The following WDR25 variants were observed in gnomAD, a reference collection of about 807,000 sequenced individuals.
WDR25 encodes the protein WD repeat-containing protein 25.
In WDR25, 35 loss-of-function variants were observed where a neutral mutation model predicts 47.7. That is an observed-to-expected ratio of 0.73 (90% confidence interval 0.56 to 0.97). The LOEUF is 0.97. Among genes scored for constraint, WDR25 ranks in the 50% least tolerant of loss-of-function variants. The probability of loss-of-function intolerance (pLI) is 0.00; values close to 1 mark genes in which losing one functional copy is unlikely to be tolerated. For missense variants in WDR25, 634 were observed against 704.7 expected (o/e 0.90, Z 1.14); for synonymous variants, 248 against 278.9 (o/e 0.89, Z 1.10).
chr14:100,490,889 A>C (rs1477208999), intron 4 of WDR25, among the ~76,000 whole-genome samples: 1 of 152,246 alleles, frequency 6.6e-6, no homozygotes, highest in African/African-American at 2.4e-5. Flanking sequence ...TATATTAAAA[A>C]GGCTTTTTAT....
intron 2 of WDR25, among the ~76,000 whole-genome samples, chr14:100,466,283 C>T (rs556530414): frequency 2.0e-5 from 3 of 152,254 alleles, no homozygotes; most frequent in Middle Eastern, 3.4e-3. Context: ...CTACTCTTGA[C>T]CTTTTGTTTT....
chr14:100,460,951 C>A (rs909245308), intron 2 of WDR25, among the ~76,000 whole-genome samples: 1 of 152,292 alleles, frequency 6.6e-6, no homozygotes, highest in Admixed American at 6.5e-5. Flanking sequence ...CACAGTGGCT[C>A]ATGCTGTAAT....
chr14:100,474,176 G>A (rs1386602399), intron 3 of WDR25, among the ~76,000 whole-genome samples: 2 of 152,198 alleles, frequency 1.3e-5, no homozygotes, highest in Admixed American at 6.5e-5. Flanking sequence ...CTGTTGCCAC[G>A]AATATCCTTC....
chr14:100,417,362 A>G (rs1897898123), intron 2 of WDR25, among the ~76,000 whole-genome samples: 1 of 152,170 alleles, frequency 6.6e-6, no homozygotes, highest in Non-Finnish European at 1.5e-5. Flanking sequence ...CCACTCAGGG[A>G]TTTGTGGGAC....
In WDR25 at chr14:100,498,805, A is replaced by G. The variant is rs139019238; in HGVS notation, c.1101+14681A>G. 6.0e-4 allele frequency among the ~76,000 whole-genome samples: 92 copies of G among 152,326 alleles called. No individual in the cohort carries two copies. Among genetic ancestry groups the G allele is most frequent in the Admixed American group, 1.5e-3 (23 of 15,306 alleles). ...GGCCAGGCCACGCCCCTGATTTGGA[A>G]TGGTTTCTACTCGAAGGGGTATCTT... On this transcript the variant is annotated intron_variant, in intron 4 of 6. Coordinates refer to ENST00000402312, the MANE Select transcript of WDR25 (RefSeq NM_001161476.3). This position sits in a 1 kb window ranked among gnomAD's most constrained non-coding sequence, Gnocchi z 4.2.
chr14:100,388,831 C>G (rs1372317341), intron 2 of WDR25, among the ~76,000 whole-genome samples: 1 of 152,202 alleles, frequency 6.6e-6, no homozygotes, highest in Non-Finnish European at 1.5e-5. Context: ...AAGGGCGGGG[C>G]CTTGTGCTCG....
intron 3 of WDR25, among the ~76,000 whole-genome samples, chr14:100,478,040 C>G (rs973238160): frequency 6.6e-6 from 1 of 151,974 alleles, no homozygotes; most frequent in Non-Finnish European, 1.5e-5. Context: ...TGCAGTGAGC[C>G]GGATAGCACC....
chr14:100,428,038 A>C lies in WDR25; in HGVS notation c.823-39983A>C, dbSNP rs1415129072. On this transcript the variant is annotated intron_variant, in intron 2 of 6. Coordinates refer to ENST00000402312, the MANE Select transcript of WDR25 (RefSeq NM_001161476.3). This position sits in a 1 kb window ranked among gnomAD's most constrained non-coding sequence, Gnocchi z 4.3. Reference sequence around the variant, plus strand: ...GGAAGCCTTTTCCTCCTGAGACCCTAACACGCTCCCTTTCCTTTCCTTTTT... The same window carrying C: ...GGAAGCCTTTTCCTCCTGAGACCCTCACACGCTCCCTTTCCTTTCCTTTTT... Among the ~76,000 whole-genome samples, 2 of 152,210 alleles carry C rather than the reference A, an allele frequency of 1.3e-5. No individual in the cohort carries two copies. Among genetic ancestry groups the C allele is most frequent in the African/African-American group, 4.8e-5 (2 of 41,450 alleles).
chr14:100,459,935 TATATACAC>T lies in WDR25; in HGVS notation c.823-8082_823-8075del, dbSNP rs1225994927. 1.3e-3 allele frequency among the ~76,000 whole-genome samples: 122 copies of T among 90,606 alleles called. 2 individuals carry two copies. The highest frequency in any genetic ancestry group is 5.2e-3 in the Middle Eastern group (1 of 194). The allele number at this position is 90,606 out of a possible 152,430, so 59.4% of individuals were successfully genotyped here. A position where few individuals can be genotyped will look rare whatever the true frequency, so the allele number is the denominator to read the frequency against. On this transcript the variant is annotated intron_variant, in intron 2 of 6. Coordinates refer to ENST00000402312, the MANE Select transcript of WDR25 (RefSeq NM_001161476.3). ...ATATATATATATATATATATATATA[TATATACAC>T]ATACACATACACACACATATACACA...
chr14:100,466,342 C>G (rs1206661624), intron 2 of WDR25, among the ~76,000 whole-genome samples: 1 of 152,222 alleles, frequency 6.6e-6, no homozygotes. Context: ...TTTCAGAGCT[C>G]TGATCCTTTG....
chr14:100,528,973 C>T (rs2030327675), intron 5 of WDR25, 95 bp from the exon 6 acceptor site: 2 of 1,432,996 alleles, frequency 1.4e-6, no homozygotes, highest in East Asian at 2.4e-5. Context: ...AATGGAGACA[C>T]CCAGCTAGGG....
rs59460786 is a variant in WDR25, at chr14:100,461,314, A to C, written c.823-6707A>C. On this transcript the variant is annotated intron_variant, in intron 2 of 6. Coordinates refer to ENST00000402312, the MANE Select transcript of WDR25 (RefSeq NM_001161476.3). ...AGTAAGGTTGCAGAATCCAAGGTCA[A>C]TATCCAAAATTAATTGTATTTCTAC... 9.5e-3 allele frequency among the ~76,000 whole-genome samples: 1,441 copies of C among 152,358 alleles called. 21 individuals are homozygous for C. The highest frequency in any genetic ancestry group is 0.033 in the African/African-American group (1,371 of 41,580).
chr14:100,529,357 C>T lies in WDR25; in HGVS notation c.1413+149C>T, dbSNP rs2030357248. 18 of 1,245,884 alleles carry T rather than the reference C, an allele frequency of 1.4e-5. No individual in the cohort carries two copies. The highest frequency in any genetic ancestry group is 1.9e-5 in the Non-Finnish European group (17 of 901,830). 77.2% of individuals were successfully genotyped at this position (1,245,884 alleles called of 1,614,324 possible). The stretch of plus-strand genomic sequence containing the variant: ...GGGTGAGCGCATGCCATGTGGCTCA[C>T]TGTCTCTTCAAGTCCCTGAACCACA... On this transcript the variant is annotated intron_variant, in intron 6 of 6. Transcript: ENST00000402312. The surrounding 1 kb of genome is among the most constrained non-coding windows in gnomAD (Gnocchi z 5.1).
chr14:100,474,697 G>A (rs1899960344), intron 3 of WDR25, among the ~76,000 whole-genome samples: 1 of 152,212 alleles, frequency 6.6e-6, no homozygotes, highest in African/African-American at 2.4e-5. Context: ...ATTCGGTCTT[G>A]TCCAGAGAAT....
rs1210530352 is a variant in WDR25 at position 100,529,779 on chromosome 14, G to T, written c.1414-41G>T. ...AGAATGGGCATACTCACCCCGGCTTGACAGGTGCGGCTTGCTCACCCACTG... is the reference window on the plus strand; with the variant it reads ...AGAATGGGCATACTCACCCCGGCTTTACAGGTGCGGCTTGCTCACCCACTG... On this transcript the variant is annotated intron_variant, in intron 6 of 6. Transcript: ENST00000402312. The surrounding 1 kb of genome is among the most constrained non-coding windows in gnomAD (Gnocchi z 5.1). 6.3e-7 allele frequency: 1 copy of T among 1,593,606 alleles called. No individual in the cohort carries two copies. The highest frequency in any genetic ancestry group is 8.5e-7 in the Non-Finnish European group (1 of 1,169,748).
chr14:100,464,522 C>G lies in WDR25; in HGVS notation c.823-3499C>G, dbSNP rs184178603. 2.2e-3 allele frequency among the ~76,000 whole-genome samples: 340 copies of G among 152,258 alleles called. 1 individual carries two copies. Among genetic ancestry groups the G allele is most frequent in the Admixed American group, 3.6e-3 (55 of 15,300 alleles). On this transcript the variant is annotated intron_variant, in intron 2 of 6. Transcript: ENST00000402312. Reference sequence around the variant, plus strand: ...GGCTAATAGCAGGTCCTCAGGAAATCTTTGTTGAATGAATGAATAAATGAA... The same window carrying G: ...GGCTAATAGCAGGTCCTCAGGAAATGTTTGTTGAATGAATGAATAAATGAA...
intron 2 of WDR25, among the ~76,000 whole-genome samples, chr14:100,453,866 T>C (rs964853870): frequency 2.0e-5 from 3 of 152,262 alleles, no homozygotes; most frequent in Non-Finnish European, 4.4e-5. Context: ...TCTGTTGACA[T>C]TTAAAATTCC....
intron 4 of WDR25, among the ~76,000 whole-genome samples, chr14:100,497,450 G>A (rs779827199): frequency 2.0e-5 from 3 of 151,974 alleles, no homozygotes; most frequent in African/African-American, 7.3e-5. Context: ...GGTCAAAGCT[G>A]TTAGAAAAAA....
chr14:100,426,732 G>GC (rs902033600), intron 2 of WDR25, among the ~76,000 whole-genome samples: 2 of 152,076 alleles, frequency 1.3e-5, no homozygotes, highest in Non-Finnish European at 2.9e-5. Context: ...GAAGACTGCT[G>GC]CCCCCCAGCC....
Sources: allele counts gnomAD v4.1 joint callset (sites outside exome capture counted in the v4.1 genomes callset), GRCh38; gene constraint gnomAD v4.1.1; non-coding constraint Gnocchi (gnomAD v3.1); transcripts MANE v1.5; gene names NCBI Gene and HGNC (gene_info 2026-07-23, HGNC 2026-07-21).